Variants in ADCY2 observed in about 807,000 individuals in gnomAD.
ADCY2 encodes the protein adenylate cyclase type 2.
ADCY2 carries 31 observed loss-of-function variants against 125.2 expected under a neutral mutation model. The ratio of observed to expected loss-of-function variants is 0.25; its 90% CI spans 0.19 to 0.33. The LOEUF (loss-of-function observed/expected upper bound fraction) is 0.33, where lower values mean the gene tolerates loss of function less well. Among genes scored for constraint, ADCY2 ranks in the 10% least tolerant of loss-of-function variants. ADCY2 has a pLI of 1.00. For synonymous variants in ADCY2, 512 were observed against 548.4 expected (o/e 0.93, Z 0.93); for missense variants, 904 against 1,418.2 (o/e 0.64, Z 5.82).
intron 16 of ADCY2, among the ~76,000 whole-genome samples, chr5:7,765,169 AG>A (rs1743340805): frequency 6.6e-6 from 1 of 152,180 alleles, no homozygotes; most frequent in Admixed American, 6.5e-5. Context: ...TTTTGCCTAT[AG>A]GTGATATATA....
intron 14 of ADCY2, among the ~76,000 whole-genome samples, chr5:7,736,107 C>A (rs1025977172): frequency 3.3e-5 from 5 of 152,116 alleles, no homozygotes. Context: ...TTGGTCCCAG[C>A]TACTTGGTAG....
chr5:7,688,405 C>G (rs1028099520), intron 4 of ADCY2, among the ~76,000 whole-genome samples: 37 of 151,148 alleles, frequency 2.4e-4, no homozygotes, highest in African/African-American at 8.8e-4. Context: ...GTAGCTGGGA[C>G]TACAGGTGCC....
chr5:7,694,468 C>T (rs1386460925), intron 5 of ADCY2, among the ~76,000 whole-genome samples: 2 of 152,180 alleles, frequency 1.3e-5, no homozygotes, highest in East Asian at 3.8e-4. Context: ...TCCCAGGAAA[C>T]CGCCATTCTA....
intron 12 of ADCY2, among the ~76,000 whole-genome samples, chr5:7,723,691 G>A (rs905719814): frequency 1.8e-4 from 27 of 152,036 alleles, no homozygotes; most frequent in Admixed American, 5.9e-4. Flanking sequence ...GGGAGACTGA[G>A]GCGCGTGGAC....
intron 13 of ADCY2, among the ~76,000 whole-genome samples, 174 bp from the exon 14 acceptor site, chr5:7,726,990 G>A (rs894969344): frequency 6.6e-6 from 1 of 152,152 alleles, no homozygotes; most frequent in Non-Finnish European, 1.5e-5. Flanking sequence ...GTTCATGTGG[G>A]GGAAGGAAAA....
At chr5:7,653,564 G>A (rs1739176895) in intron 4 of ADCY2, among the ~76,000 whole-genome samples, 1 of 151,514 alleles carries the variant, frequency 6.6e-6, no homozygotes, top group African/African-American at 2.4e-5. Context: ...GTGAGATCGT[G>A]CCACTGCACT....
chr5:7,655,154 A>G (rs953883128), intron 4 of ADCY2, among the ~76,000 whole-genome samples: 13 of 152,174 alleles, frequency 8.5e-5, no homozygotes, highest in Non-Finnish European at 1.8e-4. Flanking sequence ...ACCAACAGTA[A>G]CTGTAAAGTG....
At chr5:7,629,233 C>T (rs10063026) in intron 4 of ADCY2, among the ~76,000 whole-genome samples, 8,622 of 152,276 alleles carry the variant, frequency 0.057, 798 homozygotes, top group African/African-American at 0.19. Context: ...CTTGGCCTCG[C>T]TTCACAGCCC....
intron 4 of ADCY2, among the ~76,000 whole-genome samples, chr5:7,663,566 G>A (rs1220676646): frequency 6.6e-6 from 1 of 152,196 alleles, no homozygotes; most frequent in Non-Finnish European, 1.5e-5. Flanking sequence ...TGGAGGAAAT[G>A]AATTAAGGGT....
chr5:7,489,413 T>C (rs1247642860), intron 2 of ADCY2, among the ~76,000 whole-genome samples: 1 of 152,218 alleles, frequency 6.6e-6, no homozygotes, highest in Non-Finnish European at 1.5e-5. Flanking sequence ...CAACTGGGAC[T>C]GTTTTCTTGT....
intron 3 of ADCY2, among the ~76,000 whole-genome samples, chr5:7,622,961 G>A (rs1738004750): frequency 6.6e-6 from 1 of 152,218 alleles, no homozygotes; most frequent in African/African-American, 2.4e-5. Context: ...AGGGCCAACT[G>A]TTCTGTTACA....
intron 3 of ADCY2, among the ~76,000 whole-genome samples, chr5:7,606,629 T>C (rs1737387061): frequency 1.3e-5 from 2 of 152,158 alleles, no homozygotes; most frequent in Admixed American, 1.3e-4. Flanking sequence ...CCAAACTTTA[T>C]CAGATTTGCT....
At chr5:7,496,543 T>C (rs553992427) in intron 2 of ADCY2, among the ~76,000 whole-genome samples, 1 of 152,322 alleles carries the variant, frequency 6.6e-6, no homozygotes, top group South Asian at 2.1e-4. Context: ...TAAGCTTTAA[T>C]ATTTAATTTT....
chr5:7,456,899 G>A (rs1245217283), intron 2 of ADCY2, among the ~76,000 whole-genome samples: 2 of 152,134 alleles, frequency 1.3e-5, no homozygotes, highest in African/African-American at 4.8e-5. Context: ...TTGTAAGGGA[G>A]GGAATATTTT....
intron 3 of ADCY2, among the ~76,000 whole-genome samples, chr5:7,623,882 C>A (rs1382424440): frequency 6.6e-6 from 1 of 152,194 alleles, no homozygotes; most frequent in Non-Finnish European, 1.5e-5. Flanking sequence ...ATATACCACA[C>A]ACAGACCACA....
intron 2 of ADCY2, among the ~76,000 whole-genome samples, chr5:7,479,013 T>G (rs1372953933): frequency 6.6e-6 from 1 of 152,186 alleles, no homozygotes; most frequent in Non-Finnish European, 1.5e-5. Context: ...CATAACTTTT[T>G]TCGCTCATAT....
At chr5:7,571,273 G>A (rs939069339) in intron 3 of ADCY2, among the ~76,000 whole-genome samples, 2 of 152,096 alleles carry the variant, frequency 1.3e-5, no homozygotes, top group Non-Finnish European at 1.5e-5. Flanking sequence ...GGTCCAATTT[G>A]GTCCAAAGGC....
At chr5:7,423,865 A>G (rs1010915292) in intron 2 of ADCY2, among the ~76,000 whole-genome samples, 7 of 152,168 alleles carry the variant, frequency 4.6e-5, no homozygotes, top group African/African-American at 7.2e-5. Flanking sequence ...GGGCTCCGGT[A>G]CTGAAAATTG....
chr5:7,450,858 G>A (rs538412466), intron 2 of ADCY2, among the ~76,000 whole-genome samples: 23 of 152,256 alleles, frequency 1.5e-4, no homozygotes, highest in Non-Finnish European at 2.6e-4. Context: ...GAACAACAAA[G>A]CCTAGAGGAC....
Sources: allele counts gnomAD v4.1 joint callset (sites outside exome capture counted in the v4.1 genomes callset), GRCh38; gene constraint gnomAD v4.1.1; transcripts MANE v1.5; gene names NCBI Gene and HGNC (gene_info 2026-07-23, HGNC 2026-07-21).